XPR1: variants seen among roughly 807,000 people sequenced by gnomAD.
XPR1 encodes xenotropic and polytropic retrovirus receptor 1.
XPR1 carries 28 observed loss-of-function variants against 87.5 expected under a neutral mutation model. That is an observed-to-expected ratio of 0.32 (90% CI 0.24 to 0.44). The LOEUF (loss-of-function observed/expected upper bound fraction) is 0.44. XPR1 is among the 20% of genes least tolerant of loss of function. XPR1 has a pLI of 1.00. For missense variants in XPR1, 559 were observed against 862.3 expected, an observed-to-expected ratio of 0.65 and a Z score of 4.41; for synonymous variants, 300 against 306.1, an observed-to-expected ratio of 0.98 and a Z score of 0.21.
rs372086062 is a variant in XPR1 at position 180,651,630 on chromosome 1, A to G, written c.69+19360A>G. Among the ~76,000 whole-genome samples, 5 of 152,190 alleles carry G rather than the reference A, an allele frequency of 3.3e-5. No individual in the cohort carries two copies. The South Asian group carries it at 6.2e-4, about 19-fold the overall frequency. Reference sequence around the variant, plus strand: ...ACAATAGTATTTTATTAGTATAACTATCTTCTATTTTGAAATACAGTAGTG... The same window carrying G: ...ACAATAGTATTTTATTAGTATAACTGTCTTCTATTTTGAAATACAGTAGTG... On this transcript the variant is annotated intron_variant, in intron 1 of 14. Transcript: ENST00000367590.
chr1:180,828,695 A>G (rs1275307588), intron 9 of XPR1, among the ~76,000 whole-genome samples: 1 of 152,304 alleles, frequency 6.6e-6, no homozygotes. Flanking sequence ...ATTAATCCCT[A>G]TTTTATAAAT....
chr1:180,688,103 T>C (rs1193671879), intron 2 of XPR1, among the ~76,000 whole-genome samples: 1 of 148,586 alleles, frequency 6.7e-6, no homozygotes, highest in Non-Finnish European at 1.5e-5. Context: ...CAGGCTGGAG[T>C]GCAGTGGCGT....
At chr1:180,669,434 G>A (rs145177695) in intron 1 of XPR1, among the ~76,000 whole-genome samples, 3,362 of 152,068 alleles carry the variant, frequency 0.022, 64 homozygotes, top group Middle Eastern at 0.092. Context: ...CCAGGCTGGA[G>A]TGCAGTGGCG....
At chr1:180,678,991 C>T (rs189751529) in intron 1 of XPR1, among the ~76,000 whole-genome samples, 118 of 151,962 alleles carry the variant, frequency 7.8e-4, no homozygotes, top group Non-Finnish European at 1.3e-3. Flanking sequence ...GTCAGGAGAT[C>T]GAGACCATCC....
chr1:180,714,888 T>C (rs143519186), intron 2 of XPR1, among the ~76,000 whole-genome samples: 17 of 152,316 alleles, frequency 1.1e-4, no homozygotes, highest in African/African-American at 4.1e-4. Context: ...TACAGTAGTA[T>C]GCTATTTAGA....
chr1:180,653,466 CAAA>C (rs1345739511), intron 1 of XPR1, among the ~76,000 whole-genome samples: 2 of 152,050 alleles, frequency 1.3e-5, no homozygotes, highest in Admixed American at 1.3e-4. Flanking sequence ...TTGTCTTTCT[CAAA>C]GAAGCATGGA....
intron 1 of XPR1, among the ~76,000 whole-genome samples, chr1:180,649,149 G>A (rs1655211920): frequency 6.6e-6 from 1 of 152,080 alleles, no homozygotes; most frequent in Non-Finnish European, 1.5e-5. Flanking sequence ...ATGCAGGCCA[G>A]GCGCAGTGGC....
intron 2 of XPR1, among the ~76,000 whole-genome samples, chr1:180,747,248 T>C (rs1277253564): frequency 2.0e-5 from 3 of 152,202 alleles, no homozygotes; most frequent in Non-Finnish European, 2.9e-5. Context: ...CTTAACAATT[T>C]AGCTTCATAC....
At chr1:180,852,450 C>G (rs1571895173) in intron 11 of XPR1, among the ~76,000 whole-genome samples, 1 of 152,172 alleles carries the variant, frequency 6.6e-6, no homozygotes, top group Middle Eastern at 3.4e-3. Context: ...CTATCCATAC[C>G]TTCACTTTCT....
intron 2 of XPR1, among the ~76,000 whole-genome samples, chr1:180,772,367 T>C (rs1283098208): frequency 1.3e-5 from 2 of 152,136 alleles, no homozygotes; most frequent in Non-Finnish European, 2.9e-5. Flanking sequence ...CTGACTCCTT[T>C]TATTTGGAGA....
At chr1:180,723,914 G>GTCTTTTC (rs1658253271) in intron 2 of XPR1, among the ~76,000 whole-genome samples, 1 of 152,112 alleles carries the variant, frequency 6.6e-6, no homozygotes, top group African/African-American at 2.4e-5. Flanking sequence ...ATGACCATTA[G>GTCTTTTC]TGCTTTTCAG....
In XPR1 at chr1:180,695,795, T is replaced by G. The variant is rs192567801; in HGVS notation, c.121+13384T>G. On this transcript the variant is annotated intron_variant, in intron 2 of 14. Coordinates refer to ENST00000367590, the MANE Select transcript of XPR1 (RefSeq NM_004736.4). ...ATTCTGTTCCAATGGCCTGTGTGTA[T>G]GTAGTTAGTCCAGTATCTTGCTATT... is the stretch of plus-strand genomic sequence containing the variant. 4.7e-4 allele frequency among the ~76,000 whole-genome samples: 72 copies of G among 152,312 alleles called. 1 individual carries two copies. The highest frequency in any genetic ancestry group is 1.6e-3 in the African/African-American group (68 of 41,586).
At chr1:180,860,709 G>A (rs1280323983) in intron 11 of XPR1, among the ~76,000 whole-genome samples, 1 of 151,880 alleles carries the variant, frequency 6.6e-6, no homozygotes, top group Non-Finnish European at 1.5e-5. Context: ...AATGGAGTGT[G>A]TGGGAATTCT....
rs772390661 is a variant in XPR1, at chr1:180,863,841, T to C, written c.1635T>C (p.Thr545=). 6.2e-7 allele frequency: 1 copy of C among 1,605,244 alleles called. No homozygotes were observed. The highest frequency in any genetic ancestry group is 2.2e-5 in the East Asian group (1 of 44,742). ...TCGATAAGAATGCTGGAGAGAACAC[T>C]TTCCTCCGGGAAGAGATTGTATACC... is the stretch of plus-strand genomic sequence containing the variant. The part of the protein sequence containing the change: ...GLFDKNAGEN[T]FLREEIVYPQ... Residue 545 remains threonine (T), a synonymous_variant, in exon 12 of 15, where the codon ACT becomes ACC. Transcript: ENST00000367590.
intron 11 of XPR1, among the ~76,000 whole-genome samples, chr1:180,837,080 A>G (rs1259039204): frequency 1.3e-5 from 2 of 152,194 alleles, no homozygotes; most frequent in Admixed American, 1.3e-4. Context: ...CCCTGTGGCA[A>G]TCAAGTATAT....
At chr1:180,835,209 A>G (rs1437198719) in intron 10 of XPR1, among the ~76,000 whole-genome samples, 164 bp downstream of exon 10, 1 of 152,244 alleles carries the variant, frequency 6.6e-6, no homozygotes, top group Non-Finnish European at 1.5e-5. Flanking sequence ...CTTATCTGAT[A>G]TAATTTGGCT....
chr1:180,679,112 G>A (rs112761313), intron 1 of XPR1, among the ~76,000 whole-genome samples: 6,491 of 151,970 alleles, frequency 0.043, 490 homozygotes, highest in African/African-American at 0.15. Context: ...GGAGAATGGC[G>A]TGAACCCAGG....
At chr1:180,805,857 T>TA (rs1442829679) in intron 4 of XPR1, among the ~76,000 whole-genome samples, 1 of 152,224 alleles carries the variant, frequency 6.6e-6, no homozygotes. Flanking sequence ...TTTGTGTTAC[T>TA]AATAGCATAC....
chr1:180,650,262 G>T (rs1655253647), intron 1 of XPR1, among the ~76,000 whole-genome samples: 2 of 151,822 alleles, frequency 1.3e-5, no homozygotes, highest in Admixed American at 1.3e-4. Flanking sequence ...TTAGAGATGG[G>T]TTTTGCTTTG....
Sources: allele counts gnomAD v4.1 joint callset (sites outside exome capture counted in the v4.1 genomes callset), GRCh38; gene constraint gnomAD v4.1.1; transcripts MANE v1.5; gene names NCBI Gene and HGNC (gene_info 2026-07-23, HGNC 2026-07-21).